The following ADCY9 variants were observed in gnomAD, a reference collection of about 807,000 sequenced individuals.
The protein encoded by ADCY9 is adenylate cyclase type 9.
In ADCY9, 50 loss-of-function variants were observed where a neutral mutation model predicts 101.5. The observed-to-expected ratio is 0.49, with a 90% CI of 0.39 to 0.62. The LOEUF (loss-of-function observed/expected upper bound fraction) is 0.62. Among genes scored for constraint, ADCY9 ranks in the 20% least tolerant of loss-of-function variants. The pLI is 0.00. For synonymous variants in ADCY9, 905 were observed against 769.3 expected (o/e 1.18, Z -2.92); for missense variants, 1,662 against 1,800.4 (o/e 0.92, Z 1.39).
chr16:4,098,955 A>G (rs2057025762), intron 2 of ADCY9, among the ~76,000 whole-genome samples: 1 of 151,962 alleles, frequency 6.6e-6, no homozygotes, highest in South Asian at 2.1e-4. Flanking sequence ...TTTTGGAGAC[A>G]GAGTTCTCAC....
intron 2 of ADCY9, among the ~76,000 whole-genome samples, chr16:4,020,328 G>T (rs2056466589): frequency 6.6e-6 from 1 of 152,182 alleles, no homozygotes; most frequent in Non-Finnish European, 1.5e-5. Flanking sequence ...TGAAAGGAAT[G>T]AATTGGAAAC....
chr16:3,983,659 T>G, intron 6 of ADCY9: 1 of 571,212 alleles, frequency 1.8e-6, no homozygotes, highest in South Asian at 2.2e-5. Flanking sequence ...CTGGGCACGG[T>G]GGCTCACGCC....
intron 2 of ADCY9, among the ~76,000 whole-genome samples, chr16:4,090,911 C>T (rs2056969761): frequency 6.6e-6 from 1 of 151,772 alleles, no homozygotes; most frequent in South Asian, 2.1e-4. Context: ...CAAAACTATT[C>T]CGAATGGTAG....
chr16:4,068,623 G>C (rs1339016301), intron 2 of ADCY9, among the ~76,000 whole-genome samples: 5 of 151,968 alleles, frequency 3.3e-5, no homozygotes, highest in South Asian at 4.1e-4. Flanking sequence ...GACCATCCTG[G>C]CTAACACGGT....
Position 3,993,506 on chromosome 16 carries a change from C to T in ADCY9, c.1889G>A (p.Cys630Tyr), listed in dbSNP as rs770923723. The T allele has an allele frequency of 6.2e-7, 1 of 1,614,052 alleles. No individual in the cohort carries two copies. The highest frequency in any genetic ancestry group is 8.5e-7 in the Non-Finnish European group (1 of 1,180,012). ...TVKTFDNLKT[C>Y]PSCGITFAPK... ...AGCAAATGTGATTCCGCACGAAGGG[C>T]AGGTCTAGAAGAAAAACACAGACTG... Residue 630 changes from cysteine (C) to tyrosine (Y), a missense_variant, in exon 4 of 11, where the codon TGC becomes TAC. Cys to Tyr is a radical substitution (Grantham distance 194). Coordinates refer to ENST00000294016, the MANE Select transcript of ADCY9 (RefSeq NM_001116.4).
At chr16:4,088,620 G>C (rs1264661180) in intron 2 of ADCY9, among the ~76,000 whole-genome samples, 1 of 151,980 alleles carries the variant, frequency 6.6e-6, no homozygotes, top group Non-Finnish European at 1.5e-5. Context: ...ACAAGATCCT[G>C]AAGCTCGGTG....
intron 3 of ADCY9, among the ~76,000 whole-genome samples, chr16:4,001,739 G>GT (rs60955922): frequency 3.6e-5 from 5 of 140,286 alleles, no homozygotes; most frequent in African/African-American, 8.1e-5. Context: ...TGTAGAGATG[G>GT]TTTTTTTTTT....
intron 3 of ADCY9, among the ~76,000 whole-genome samples, chr16:4,000,360 C>T (rs1005849604): frequency 6.6e-5 from 10 of 152,082 alleles, no homozygotes; most frequent in African/African-American, 2.4e-4. Flanking sequence ...GAGCTCCTGG[C>T]CCCAACGATC....
At chr16:4,001,225 C>T (rs915153424) in intron 3 of ADCY9, among the ~76,000 whole-genome samples, 14 of 152,130 alleles carry the variant, frequency 9.2e-5, no homozygotes, top group African/African-American at 3.1e-4. Flanking sequence ...CTCTAGGTCC[C>T]GTGTTGCATT....
chr16:4,032,822 C>CT (rs1455962010), intron 2 of ADCY9: 1 of 152,098 alleles, frequency 6.6e-6, no homozygotes, highest in African/African-American at 2.4e-5. Flanking sequence ...GTATCATATA[C>CT]TTTTTTAAAA....
At chr16:3,975,952 A>G (rs2056089245) in intron 9 of ADCY9, among the ~76,000 whole-genome samples, 1 of 152,218 alleles carries the variant, frequency 6.6e-6, no homozygotes, top group South Asian at 2.1e-4. Context: ...AATACCCTGA[A>G]ACCAGTAGCA....
intron 2 of ADCY9, among the ~76,000 whole-genome samples, chr16:4,056,580 C>T (rs2056739403): frequency 6.6e-6 from 1 of 152,060 alleles, no homozygotes; most frequent in Non-Finnish European, 1.5e-5. Flanking sequence ...GGGCTTTCGT[C>T]CTCCTAGGAG....
rs768815007 is a variant in ADCY9, at chr16:3,966,898, T to G, written c.2939A>C (p.Gln980Pro). The G allele has an allele frequency of 6.2e-7, 1 of 1,614,086 alleles. No homozygotes were observed. Among genetic ancestry groups the G allele is most frequent in the Non-Finnish European group, 8.5e-7 (1 of 1,180,038 alleles). ...GAGAAAGAAGACGAGAACCACCTCC[T>G]GGCCGATGAGGCTGGCGGGCCGCCG... ...DLRRPASLIG[Q>P]EVVLVFFLLL... The change falls in exon 11 of 11, where the codon CAG becomes CCG. Residue 980 changes from glutamine to proline, a missense_variant. Coordinates refer to ENST00000294016, the MANE Select transcript of ADCY9 (RefSeq NM_001116.4).
intron 2 of ADCY9, among the ~76,000 whole-genome samples, chr16:4,072,922 G>A (rs12917816): frequency 0.13 from 19,771 of 147,390 alleles, 1,343 homozygotes; most frequent in Middle Eastern, 0.18. Flanking sequence ...AGGCAGTGGT[G>A]TGATATCTTT....
rs200237732 is a variant in ADCY9 at position 4,030,510 on chromosome 16, T to C, written c.1694-22952A>G. Among the ~76,000 whole-genome samples, 27 of 152,142 alleles carry C rather than the reference T, an allele frequency of 1.8e-4. No homozygotes were observed. In the East Asian group the frequency reaches 5.0e-3, roughly 28 times the overall value. ...TGAGGTCAGGAGTTTGAGACCAACC[T>C]GGCCAACATGGTGAAACCCCGTCTC... On this transcript the variant is annotated intron_variant, in intron 2 of 10. Transcript: ENST00000294016.
chr16:4,097,553 A>ATATATATATATATATATATATACATT (rs1382458827), intron 2 of ADCY9, among the ~76,000 whole-genome samples: 1 of 53,416 alleles, frequency 1.9e-5, no homozygotes, highest in African/African-American at 8.6e-5. Flanking sequence ...ATATATATAT[A>ATATATATATATATATATATATACATT]TTTTTTTTTT....
At chr16:4,001,756 T>A (rs1307057690) in intron 3 of ADCY9, among the ~76,000 whole-genome samples, 6 of 123,538 alleles carry the variant, frequency 4.9e-5, no homozygotes, top group Non-Finnish European at 7.4e-5. Context: ...TTTTTTATTG[T>A]TTTTTTTTTT....
chr16:4,027,410 G>C (rs986104829), intron 2 of ADCY9, among the ~76,000 whole-genome samples: 1 of 152,206 alleles, frequency 6.6e-6, no homozygotes, highest in African/African-American at 2.4e-5. Flanking sequence ...TGTTCATAAA[G>C]ACTTTATAAT....
In ADCY9 at chr16:4,116,042, C is replaced by T. The variant is rs1248069130; in HGVS notation, c.-396G>A. On this transcript the variant is annotated 5_prime_UTR_variant, in exon 1 of 11. Transcript: ENST00000294016. ...CCGGCTCGCGCTCCCCGGCCGCCCCCCGCGCTCCGGGCCGGCCCTGCCCGC... is the reference window on the plus strand; with the variant it reads ...CCGGCTCGCGCTCCCCGGCCGCCCCTCGCGCTCCGGGCCGGCCCTGCCCGC... The T allele has an allele frequency of 6.8e-6, 1 of 146,070 alleles. No individual in the cohort carries two copies. The highest frequency in any genetic ancestry group is 2.5e-5 in the African/African-American group (1 of 40,776). The allele number at this position is 146,070 out of a possible 1,614,324, so 9.0% of individuals were successfully genotyped here.
Sources: allele counts gnomAD v4.1 joint callset (sites outside exome capture counted in the v4.1 genomes callset), GRCh38; gene constraint gnomAD v4.1.1; transcripts MANE v1.5; gene names NCBI Gene and HGNC (gene_info 2026-07-23, HGNC 2026-07-21).